The following MAP3K14 variants were observed in gnomAD, a reference collection of about 807,000 sequenced individuals.
MAP3K14 encodes the protein mitogen-activated protein kinase kinase kinase 14, also known as NF-kappa-beta-inducing kinase.
In MAP3K14, 16 loss-of-function variants were observed where a neutral mutation model predicts 99.2. That is an observed-to-expected ratio of 0.16 (90% confidence interval 0.11 to 0.24). The LOEUF (loss-of-function observed/expected upper bound fraction) is 0.24, where lower values mean the gene tolerates loss of function less well. Ranked by LOEUF, MAP3K14 falls within the 10% of genes least tolerant of loss-of-function variation. The pLI, the probability that MAP3K14 is intolerant of heterozygous loss-of-function variation, is 1.00. For synonymous variants in MAP3K14, 462 were observed against 492.4 expected (o/e 0.94, Z 0.82); for missense variants, 784 against 1,208.7 (o/e 0.65, Z 5.21).
At chr17:45,270,366 C>T (rs1417148089) in intron 11 of MAP3K14, 47 bp downstream of exon 11, 1 of 1,588,184 alleles carries the variant, frequency 6.3e-7, no homozygotes, top group South Asian at 1.1e-5. Context: ...CCTCTGTCCA[C>T]CTCTGTCTTC....
At chr17:45,284,781 C>G (rs1212676933) in intron 6 of MAP3K14, 31 bp downstream of exon 6, 2 of 1,569,406 alleles carry the variant, frequency 1.3e-6, no homozygotes, top group Non-Finnish European at 1.7e-6. Flanking sequence ...CCTGGCTTCC[C>G]TCTTCACTCA....
At position 45,286,953 on chromosome 17, in the gene MAP3K14, A is replaced by C; in HGVS notation, c.630T>G (p.Phe210Leu). The change falls in exon 5 of 16, where the codon TTT (phenylalanine) becomes TTG (leucine). Residue 210 changes from phenylalanine (F) to leucine (L), a missense_variant. Physicochemically the swap from Phe to Leu is conservative, Grantham distance 22 (BLOSUM62 0). Coordinates refer to ENST00000344686, the MANE Select transcript of MAP3K14 (RefSeq NM_003954.5). This position sits in a 1 kb window ranked among gnomAD's most constrained non-coding sequence, Gnocchi z 4.1. ...GCCGTAGGCCCTCGCCAAGCTGCTT[A>C]AAACAGAGTTGCCCAAGGCCTGGTT... Reference protein sequence around the residue: ...LKEPGLGQLCFKQLGEGLRPA... With the variant: ...LKEPGLGQLCLKQLGEGLRPA... 1 of 1,614,064 alleles carries C rather than the reference A, an allele frequency of 6.2e-7. No individual in the cohort carries two copies. Among genetic ancestry groups the C allele is most frequent in the Non-Finnish European group, 8.5e-7 (1 of 1,179,906 alleles).
chr17:45,308,750 C>T (rs2044449019), intron 1 of MAP3K14, among the ~76,000 whole-genome samples: 1 of 151,916 alleles, frequency 6.6e-6, no homozygotes, highest in South Asian at 2.1e-4. Flanking sequence ...TCATTGCAAC[C>T]TCTGCCTCCC....
intron 9 of MAP3K14, among the ~76,000 whole-genome samples, chr17:45,271,967 G>A (rs1380497496): frequency 6.6e-6 from 1 of 152,176 alleles, no homozygotes; most frequent in Non-Finnish European, 1.5e-5. Flanking sequence ...GATGTGAACA[G>A]TGGTTTTTTT....
At chr17:45,289,846 G>C (rs1222428058) in intron 2 of MAP3K14, among the ~76,000 whole-genome samples, 1 of 152,342 alleles carries the variant, frequency 6.6e-6, no homozygotes, top group South Asian at 2.1e-4. Context: ...AGCTCTCCAG[G>C]TTCCACCCCA....
chr17:45,266,669 C>A lies in MAP3K14; in HGVS notation c.2446G>T (p.Ala816Ser), dbSNP rs1448883564. 2 of 1,610,508 alleles carry A rather than the reference C, an allele frequency of 1.2e-6. No individual in the cohort carries two copies. The highest frequency in any genetic ancestry group is 1.7e-6 in the Non-Finnish European group (2 of 1,177,504). ...SDDSEKNPSK[A>S]SQSSRDTLSS... ...AGGGTGTCCCGCGAGCTTTGAGAGG[C>A]CTTTGATGGGTTCTGAAACAACAGG... Residue 816 changes from alanine to serine, a missense_variant, in exon 14 of 16, where the codon GCC becomes TCC. By Grantham distance (99) the Ala-to-Ser change is moderately conservative. This residue lies in a region of MAP3K14 where 130 missense variants were observed against 220.4 expected (regional missense o/e 0.59). Coordinates refer to ENST00000344686, the MANE Select transcript of MAP3K14 (RefSeq NM_003954.5).
At chr17:45,290,046 G>A (rs1051533765) in intron 2 of MAP3K14, among the ~76,000 whole-genome samples, 1 of 152,242 alleles carries the variant, frequency 6.6e-6, no homozygotes. Context: ...TGGCCCAGCA[G>A]GCTCAAGAGC....
intron 1 of MAP3K14, among the ~76,000 whole-genome samples, chr17:45,295,750 C>A (rs2044342116): frequency 6.6e-6 from 1 of 152,224 alleles, no homozygotes; most frequent in Admixed American, 6.5e-5. Context: ...TCCTTCAGAG[C>A]TGTTTTGAAG....
chr17:45,283,302 C>T (rs546561656), intron 6 of MAP3K14, among the ~76,000 whole-genome samples: 2 of 152,350 alleles, frequency 1.3e-5, no homozygotes, highest in South Asian at 2.1e-4. Context: ...AGGTCAGGCA[C>T]GTGGCCTTGG....
intron 1 of MAP3K14, among the ~76,000 whole-genome samples, chr17:45,295,763 C>G (rs1320175961): frequency 1.3e-5 from 2 of 152,158 alleles, no homozygotes; most frequent in Non-Finnish European, 2.9e-5. Flanking sequence ...TTTTGAAGAC[C>G]GAATGAAGAC....
chr17:45,266,239 C>T (rs945901318), intron 14 of MAP3K14: 12 of 322,246 alleles, frequency 3.7e-5, no homozygotes, highest in African/African-American at 2.1e-4. Context: ...TGCTCATTTT[C>T]CTGACTCCAG....
intron 1 of MAP3K14, among the ~76,000 whole-genome samples, chr17:45,312,360 T>A (rs11869999): frequency 0.48 from 72,466 of 151,918 alleles, 17,923 homozygotes; most frequent in Non-Finnish European, 0.54. Context: ...GAGCTCCACA[T>A]GAGGCTTGAC....
At chr17:45,300,524 C>T (rs2044379045) in intron 1 of MAP3K14, among the ~76,000 whole-genome samples, 1 of 152,200 alleles carries the variant, frequency 6.6e-6, no homozygotes, top group Non-Finnish European at 1.5e-5. Context: ...CTACTCAACT[C>T]TCCAGGTCCC....
intron 4 of MAP3K14, 52 bp downstream of exon 4, chr17:45,287,102 A>G (rs2044273140): frequency 6.2e-7 from 1 of 1,602,244 alleles, no homozygotes. Flanking sequence ...GACAGGCTCC[A>G]ATTTCAAGGC....
rs1324820802 is a variant in MAP3K14 at position 45,267,138 on chromosome 17, G to A, written c.2387C>T (p.Ser796Leu). The change falls in exon 13 of 16, where the codon TCG becomes TTG. Residue 796 changes from serine to leucine, a missense_variant. Transcript: ENST00000344686. This position sits in a 1 kb window ranked among gnomAD's most constrained non-coding sequence, Gnocchi z 5.1. Reference protein sequence around the residue: ...FSLEEQEQILSCLSIDSLSLS... With the variant: ...FSLEEQEQILLCLSIDSLSLS... ...GGAGAGGCTGTCGATGCTGAGGCACGAGAGAATTTGCTCCTGCTCCTCCAG... is the reference window on the plus strand; with the variant it reads ...GGAGAGGCTGTCGATGCTGAGGCACAAGAGAATTTGCTCCTGCTCCTCCAG... The A allele has an allele frequency of 6.2e-7, 1 of 1,601,428 alleles. No individual in the cohort carries two copies. The highest frequency in any genetic ancestry group is 8.5e-7 in the Non-Finnish European group (1 of 1,173,960).
intron 1 of MAP3K14, among the ~76,000 whole-genome samples, chr17:45,292,820 C>T (rs1297683294): frequency 2.0e-5 from 3 of 152,172 alleles, no homozygotes; most frequent in African/African-American, 4.8e-5. Flanking sequence ...ACAGGGAGCT[C>T]GATGTGAGCG....
At position 45,274,050 on chromosome 17, in the gene MAP3K14, T is replaced by C. The variant is rs2044160198; in HGVS notation, c.1552+73A>G. 4 of 1,555,398 alleles carry C rather than the reference T, an allele frequency of 2.6e-6. No homozygotes were observed. In the Admixed American group the frequency reaches 7.2e-5, roughly 28 times the overall value. Reference sequence around the variant, plus strand: ...GGGGATGACCAGGCTAGCCCAGAACTGAGAGGAGATCAGACAGGATGGTGT... The same window carrying C: ...GGGGATGACCAGGCTAGCCCAGAACCGAGAGGAGATCAGACAGGATGGTGT... On this transcript the variant is annotated intron_variant, in intron 8 of 15. Coordinates refer to ENST00000344686, the MANE Select transcript of MAP3K14 (RefSeq NM_003954.5).
At position 45,289,255 on chromosome 17, in the gene MAP3K14, C is replaced by T. The variant is rs369004173; in HGVS notation, c.307G>A (p.Ala103Thr). ...GCTTACCTGTACTGTTTGGACCCAG[C>T]GATGAAAATGCGTTCTGAAAAGGTG... ...SPTFSERIFI[A>T]GSKQYSQSES... Residue 103 changes from alanine to threonine, a missense_variant, in exon 3 of 16, where the codon GCT (alanine) becomes ACT (threonine). Ala to Thr is a moderately conservative substitution (Grantham distance 58, BLOSUM62 0). This residue lies in a region of MAP3K14 where 188 missense variants were observed against 313.0 expected (regional missense o/e 0.60). Coordinates refer to ENST00000344686, the MANE Select transcript of MAP3K14 (RefSeq NM_003954.5). 9.2e-5 allele frequency: 149 copies of T among 1,613,822 alleles called. No homozygotes were observed. The highest frequency in any genetic ancestry group is 1.2e-4 in the Non-Finnish European group (141 of 1,179,806).
At chr17:45,294,931 T>C (rs374402568) in intron 1 of MAP3K14, among the ~76,000 whole-genome samples, 26 of 152,248 alleles carry the variant, frequency 1.7e-4, no homozygotes, top group African/African-American at 4.8e-4. Flanking sequence ...ACAGAGAACA[T>C]GTCCAGCATT....
Sources: allele counts gnomAD v4.1 joint callset (sites outside exome capture counted in the v4.1 genomes callset), GRCh38; gene constraint gnomAD v4.1.1; regional missense constraint gnomAD v4.1.1; non-coding constraint Gnocchi (gnomAD v3.1); transcripts MANE v1.5; gene names NCBI Gene and HGNC (gene_info 2026-07-23, HGNC 2026-07-21).